The following TTC6 variants were observed in gnomAD, a reference collection of about 807,000 sequenced individuals.
TTC6 encodes tetratricopeptide repeat protein 6.
A neutral mutation model predicts 210.4 loss-of-function variants in TTC6; 172 were observed. The observed-to-expected ratio is 0.82, with a 90% CI of 0.72 to 0.93. The LOEUF (loss-of-function observed/expected upper bound fraction) is 0.93. Ranked by LOEUF, TTC6 falls within the 40% of genes least tolerant of loss-of-function variation. TTC6 has a pLI of 0.00. For missense variants in TTC6, 2,414 were observed against 2,318.1 expected (o/e 1.04, Z -0.85); for synonymous variants, 804 against 819.6 (o/e 0.98, Z 0.32).
intron 1 of TTC6, among the ~76,000 whole-genome samples, chr14:37,623,812 A>G (rs548893990): frequency 6.6e-6 from 1 of 152,336 alleles, no homozygotes; most frequent in African/African-American, 2.4e-5. Context: ...CAGGAAGCTA[A>G]GCTAGATGGG....
At chr14:37,794,412 C>T (rs573391487) in intron 17 of TTC6, among the ~76,000 whole-genome samples, 12 of 151,942 alleles carry the variant, frequency 7.9e-5, no homozygotes, top group African/African-American at 1.9e-4. Flanking sequence ...ATCATTGTGC[C>T]GTAACAATAA....
intron 10 of TTC6, among the ~76,000 whole-genome samples, chr14:37,742,223 C>T (rs2095922300): frequency 6.6e-6 from 1 of 152,118 alleles, no homozygotes; most frequent in African/African-American, 2.4e-5. Flanking sequence ...AATAATTGTC[C>T]TTAGTCTTAA....
At chr14:37,721,415 G>T (rs566528664) in intron 6 of TTC6, among the ~76,000 whole-genome samples, 43 of 152,064 alleles carry the variant, frequency 2.8e-4, no homozygotes, top group Non-Finnish European at 4.9e-4. Context: ...TTTAGCATTG[G>T]GAACCTTGCA....
At chr14:37,618,445 G>A (rs2095646208), upstream of TTC6, among the ~76,000 whole-genome samples, 2 of 152,206 alleles carry the variant, frequency 1.3e-5, no homozygotes, top group Non-Finnish European at 2.9e-5. Context: ...TTTGTGAGCT[G>A]CCTATTTGAC....
intron 2 of TTC6, among the ~76,000 whole-genome samples, chr14:37,613,700 T>C (rs2095638235): frequency 1.3e-5 from 2 of 152,060 alleles, no homozygotes; most frequent in African/African-American, 2.4e-5. Context: ...TTTTGGTAAG[T>C]TGTAGTTTTC....
Position 37,683,007 on chromosome 14 carries a change from A to G in TTC6, c.1257+43A>G, listed in dbSNP as rs149300999. 307 of 1,511,244 alleles carry G rather than the reference A, an allele frequency of 2.0e-4. 4 individuals carry two copies. The East Asian group carries it at 5.3e-3, about 26-fold the overall frequency. The allele number at this position is 1,511,244 out of a possible 1,614,324, so 93.6% of individuals were successfully genotyped here. A position where few individuals can be genotyped will look rare whatever the true frequency, so the allele number is the denominator to read the frequency against. ...TTGGAAACACCTAAGAGTTATGAGAATTGAGGATGTGCAGGTGTGAAGAAT... is the reference window on the plus strand; with the variant it reads ...TTGGAAACACCTAAGAGTTATGAGAGTTGAGGATGTGCAGGTGTGAAGAAT... On this transcript the variant is annotated intron_variant, in intron 3 of 30. Transcript: ENST00000553443.
At chr14:37,620,178 C>T (rs2095649023), upstream of TTC6, among the ~76,000 whole-genome samples, 1 of 151,906 alleles carries the variant, frequency 6.6e-6, no homozygotes, top group African/African-American at 2.4e-5. Flanking sequence ...TTTGATAGGA[C>T]CATTTTGGTA....
chr14:37,650,444 T>C (rs1358704676), intron 1 of TTC6, among the ~76,000 whole-genome samples: 6 of 152,242 alleles, frequency 3.9e-5, no homozygotes, highest in Non-Finnish European at 8.8e-5. Flanking sequence ...CTCATCCTAA[T>C]ATCTTATTCT....
intron 1 of TTC6, among the ~76,000 whole-genome samples, chr14:37,643,306 TCAAAA>T (rs1023417558): frequency 2.6e-5 from 4 of 152,100 alleles, no homozygotes; most frequent in Non-Finnish European, 4.4e-5. Context: ...AGACTGTGTC[TCAAAA>T]CAAAACAAAA....
chr14:37,724,488 A>G (rs1259400329), intron 6 of TTC6, among the ~76,000 whole-genome samples: 3 of 152,072 alleles, frequency 2.0e-5, no homozygotes, highest in African/African-American at 7.2e-5. Flanking sequence ...CATTTTATTT[A>G]TGTTACTCTA....
intron 29 of TTC6, among the ~76,000 whole-genome samples, chr14:37,838,844 C>G (rs2096203805): frequency 6.6e-6 from 1 of 152,172 alleles, no homozygotes; most frequent in South Asian, 2.1e-4. Flanking sequence ...TGATGTTCCC[C>G]TCCCTGTGTC....
intron 14 of TTC6, among the ~76,000 whole-genome samples, chr14:37,786,004 C>T (rs2096066654): frequency 6.6e-6 from 1 of 152,096 alleles, no homozygotes; most frequent in African/African-American, 2.4e-5. Flanking sequence ...CTCAGAGGGG[C>T]ACCCGGCTGT....
exon 13 of TTC6, chr14:37,751,084 G>A (rs1296039246): frequency 3.9e-6 from 6 of 1,519,206 alleles, no homozygotes; most frequent in Non-Finnish European, 5.3e-6. Flanking sequence ...AAATTTACAG[G>A]GGAAAAAAAG....
intron 10 of TTC6, among the ~76,000 whole-genome samples, chr14:37,745,065 CAT>C (rs1199368683): frequency 2.0e-5 from 3 of 151,980 alleles, no homozygotes; most frequent in Non-Finnish European, 2.9e-5. Context: ...CGTACATATA[CAT>C]ATGTGTGTGT....
chr14:37,620,104 T>C (rs764519791), upstream of TTC6, among the ~76,000 whole-genome samples: 20 of 152,196 alleles, frequency 1.3e-4, no homozygotes, highest in Non-Finnish European at 2.1e-4. Context: ...TTTACCATTA[T>C]AGTAAAAAAA....
chr14:37,723,670 CTGTAT>C (rs1331206258), intron 6 of TTC6, among the ~76,000 whole-genome samples: 1 of 152,154 alleles, frequency 6.6e-6, no homozygotes, highest in Non-Finnish European at 1.5e-5. Flanking sequence ...TTATTACCTA[CTGTAT>C]AATGCTATGT....
intron 6 of TTC6, among the ~76,000 whole-genome samples, chr14:37,720,746 A>T (rs35169093): frequency 0.057 from 8,653 of 152,246 alleles, 378 homozygotes; most frequent in Non-Finnish European, 0.089. Flanking sequence ...AAGATTACAT[A>T]CTGTGTAATT....
intron 1 of TTC6, among the ~76,000 whole-genome samples, chr14:37,659,489 T>C (rs912228146): frequency 4.6e-5 from 7 of 151,958 alleles, no homozygotes; most frequent in Admixed American, 2.0e-4. Context: ...CTGACTGATA[T>C]GAGATGGTAT....
chr14:37,676,525 T>C (rs2095769936), intron 1 of TTC6, among the ~76,000 whole-genome samples: 1 of 152,134 alleles, frequency 6.6e-6, no homozygotes, highest in South Asian at 2.1e-4. Context: ...GCATTTTTAC[T>C]TTCTTCATCG....
Sources: allele counts gnomAD v4.1 joint callset (sites outside exome capture counted in the v4.1 genomes callset), GRCh38; gene constraint gnomAD v4.1.1; transcripts MANE v1.5; gene names NCBI Gene and HGNC (gene_info 2026-07-23, HGNC 2026-07-21).